CCDC73: variants seen among roughly 807,000 people sequenced by gnomAD.
CCDC73 encodes coiled-coil domain-containing protein 73.
Under a neutral mutation model 116.5 loss-of-function variants are expected in CCDC73, and 95 were observed. The ratio of observed to expected loss-of-function variants is 0.82; its 90% confidence interval spans 0.69 to 0.97. The LOEUF (loss-of-function observed/expected upper bound fraction) is 0.97. CCDC73 is among the 50% of genes least tolerant of loss of function. The pLI is 0.00. For synonymous variants in CCDC73, 398 were observed against 401.3 expected, an observed-to-expected ratio of 0.99 and a Z score of 0.10; for missense variants, 1,066 against 1,206.8, an observed-to-expected ratio of 0.88 and a Z score of 1.73.
At chr11:32,719,934 T>G (rs1217194075) in intron 2 of CCDC73, among the ~76,000 whole-genome samples, 1 of 152,096 alleles carries the variant, frequency 6.6e-6, no homozygotes, top group Non-Finnish European at 1.5e-5. Flanking sequence ...AAAGAAATCT[T>G]CAGGCCCAGA....
chr11:32,620,781 C>A, intron 14 of CCDC73, among the ~76,000 whole-genome samples: 1 of 151,956 alleles, frequency 6.6e-6, no homozygotes, highest in East Asian at 1.9e-4. Flanking sequence ...CTGCCTACAA[C>A]AATATTTAAA....
intron 9 of CCDC73, among the ~76,000 whole-genome samples, chr11:32,661,669 T>C (rs945123342): frequency 2.0e-5 from 3 of 151,382 alleles, no homozygotes; most frequent in Admixed American, 6.6e-5. Context: ...GTGGTGTATA[T>C]GTGCCACATT....
In CCDC73 at chr11:32,663,587, A is replaced by G. The variant is rs556346455; in HGVS notation, c.646-8615T>C. Among the ~76,000 whole-genome samples, 36 of 152,244 alleles carry G rather than the reference A, an allele frequency of 2.4e-4. No individual in the cohort carries two copies. The East Asian group carries it at 3.1e-3, about 13-fold the overall frequency. ...GCTTAAGGAGATTTTGGGCTGAGACAATGGGGTTTTCTAAATATACAGTCA... is the reference window on the plus strand; with the variant it reads ...GCTTAAGGAGATTTTGGGCTGAGACGATGGGGTTTTCTAAATATACAGTCA... On this transcript the variant is annotated intron_variant, in intron 9 of 17. Transcript: ENST00000335185.
chr11:32,632,378 A>G (rs939883140), intron 14 of CCDC73, among the ~76,000 whole-genome samples: 2 of 152,140 alleles, frequency 1.3e-5, no homozygotes, highest in African/African-American at 2.4e-5. Context: ...GGCGCGTGCC[A>G]CCATGCCCGG....
intron 2 of CCDC73, among the ~76,000 whole-genome samples, chr11:32,730,174 T>C (rs1488922088): frequency 6.6e-6 from 1 of 152,354 alleles, no homozygotes; most frequent in African/African-American, 2.4e-5. Flanking sequence ...CAGAAGAATG[T>C]TGTGGTAGAC....
chr11:32,692,929 TTTTA>T (rs1856274014), intron 6 of CCDC73, among the ~76,000 whole-genome samples: 1 of 152,192 alleles, frequency 6.6e-6, no homozygotes, highest in African/African-American at 2.4e-5. Flanking sequence ...ATAAGTAAAG[TTTTA>T]TTTGTCAGGT....
At chr11:32,651,164 C>T (rs186548700) in intron 12 of CCDC73, among the ~76,000 whole-genome samples, 41 of 152,236 alleles carry the variant, frequency 2.7e-4, no homozygotes, top group Non-Finnish European at 2.4e-4. Flanking sequence ...AGAGAATCTT[C>T]CCTTCCCATG....
chr11:32,652,228 C>A (rs1414729347), intron 12 of CCDC73, among the ~76,000 whole-genome samples: 1 of 151,594 alleles, frequency 6.6e-6, no homozygotes, highest in Admixed American at 6.6e-5. Context: ...CGCTTGAACC[C>A]AGGAGGTGGA....
At chr11:32,742,467 T>C (rs1435977105) in intron 2 of CCDC73, among the ~76,000 whole-genome samples, 2 of 152,364 alleles carry the variant, frequency 1.3e-5, no homozygotes, top group African/African-American at 2.4e-5. Context: ...TTGAGAAGTG[T>C]CTGTTCACAT....
At chr11:32,803,682 T>C in the CCDC73 span, among the ~76,000 whole-genome samples, 1 of 152,268 alleles carries the variant, frequency 6.6e-6, no homozygotes, top group Non-Finnish European at 1.5e-5. Flanking sequence ...CATAATGCTA[T>C]AGATTTTTCT....
chr11:32,740,640 G>A (rs1850175072), intron 2 of CCDC73, among the ~76,000 whole-genome samples: 1 of 151,576 alleles, frequency 6.6e-6, no homozygotes, highest in African/African-American at 2.4e-5. Flanking sequence ...AGAACTTTCT[G>A]TTGCTTTTTT....
intron 1 of CCDC73, among the ~76,000 whole-genome samples, chr11:32,784,598 T>C (rs1032016212): frequency 6.6e-6 from 1 of 152,194 alleles, no homozygotes; most frequent in Non-Finnish European, 1.5e-5. Context: ...AGAAGTATCA[T>C]TTACAAACAT....
chr11:32,639,178 C>T (rs1459058225), intron 13 of CCDC73, among the ~76,000 whole-genome samples: 1 of 151,838 alleles, frequency 6.6e-6, no homozygotes, highest in Non-Finnish European at 1.5e-5. Context: ...AATCCTATTC[C>T]ATCTTTTGAA....
At position 32,631,523 on chromosome 11, in the gene CCDC73, A is replaced by T. The variant is rs552087156; in HGVS notation, c.1185+4173T>A. On this transcript the variant is annotated intron_variant, in intron 14 of 17. Transcript: ENST00000335185. ...CCCATGGGTCAGAGGAGACACCACAAGAAAAATCCTAAAATATTTTGAGCC... is the reference window on the plus strand; with the variant it reads ...CCCATGGGTCAGAGGAGACACCACATGAAAAATCCTAAAATATTTTGAGCC... Among the ~76,000 whole-genome samples the T allele has an allele frequency of 5.9e-5, 9 of 152,250 alleles. No homozygotes were observed. The South Asian group carries it at 1.9e-3, about 32-fold the overall frequency.
At chr11:32,612,348 AC>A (rs1855429433) in intron 16 of CCDC73, among the ~76,000 whole-genome samples, 1 of 151,834 alleles carries the variant, frequency 6.6e-6, no homozygotes, top group South Asian at 2.1e-4. Flanking sequence ...CAATTAAAAA[AC>A]CATTTTCCTC....
At chr11:32,709,692 C>A (rs185056392) in intron 3 of CCDC73, among the ~76,000 whole-genome samples, 66 of 152,226 alleles carry the variant, frequency 4.3e-4, no homozygotes, top group African/African-American at 1.6e-3. Context: ...TATGTCCTTG[C>A]CTGGTTTTGG....
intron 17 of CCDC73, chr11:32,603,270 C>T (rs932921017): frequency 2.8e-6 from 1 of 359,744 alleles, no homozygotes; most frequent in Non-Finnish European, 5.0e-6. Flanking sequence ...TTCATGTTTC[C>T]TCCCATGCTT....
chr11:32,714,632 T>C (rs374444734), intron 3 of CCDC73, among the ~76,000 whole-genome samples: 1 of 152,070 alleles, frequency 6.6e-6, no homozygotes, highest in Non-Finnish European at 1.5e-5. Flanking sequence ...GTTTCACTAA[T>C]ACATGGAATG....
chr11:32,795,031 A>T (rs1394737595), upstream of CCDC73, among the ~76,000 whole-genome samples: 1 of 152,146 alleles, frequency 6.6e-6, no homozygotes, highest in East Asian at 1.9e-4. Context: ...GGAAAGATGA[A>T]AGAAAAATGA....
Sources: allele counts gnomAD v4.1 joint callset (sites outside exome capture counted in the v4.1 genomes callset), GRCh38; gene constraint gnomAD v4.1.1; transcripts MANE v1.5; gene names NCBI Gene and HGNC (gene_info 2026-07-23, HGNC 2026-07-21).